The following ACACA variants were observed in gnomAD, a reference collection of about 807,000 sequenced individuals.
ACACA encodes the protein acetyl-CoA carboxylase 1.
In ACACA, 103 loss-of-function variants were observed where a neutral mutation model predicts 296.1. The ratio of observed to expected loss-of-function variants is 0.35; its 90% CI spans 0.30 to 0.41. The LOEUF is 0.41. Among genes scored for constraint, ACACA ranks in the 10% least tolerant of loss-of-function variants. ACACA has a pLI of 1.00. For synonymous variants in ACACA, 953 were observed against 1,038.6 expected, an observed-to-expected ratio of 0.92 and a Z score of 1.58; for missense variants, 1,554 against 2,989.7, an observed-to-expected ratio of 0.52 and a Z score of 11.20.
chr17:37,131,565 G>A (rs2075099360), intron 45 of ACACA, among the ~76,000 whole-genome samples: 1 of 152,088 alleles, frequency 6.6e-6, no homozygotes, highest in South Asian at 2.1e-4. Flanking sequence ...TCAGTCTCTG[G>A]GGAGAATCTA....
chr17:37,162,668 C>A, intron 41 of ACACA: 1 of 284,178 alleles, frequency 3.5e-6, no homozygotes, highest in South Asian at 3.4e-5. Flanking sequence ...TGCTGCCTGC[C>A]CACCCCCAAA....
intron 24 of ACACA, among the ~76,000 whole-genome samples, chr17:37,239,709 T>C (rs560779231): frequency 2.6e-5 from 4 of 152,360 alleles, no homozygotes; most frequent in African/African-American, 9.6e-5. Context: ...CAACCTTGAA[T>C]GCGTGGGATA....
chr17:37,087,498 C>T, intron 55 of ACACA, 59 bp from the exon 56 acceptor site: 1 of 1,605,372 alleles, frequency 6.2e-7, no homozygotes, highest in Non-Finnish European at 8.5e-7. Context: ...TAGATGAGGA[C>T]AGCTAAAGAA....
At chr17:37,188,195 G>C in intron 39 of ACACA, 82 bp downstream of exon 39, 1 of 1,319,998 alleles carries the variant, frequency 7.6e-7, no homozygotes, top group Non-Finnish European at 1.1e-6. Flanking sequence ...GGATTTGTGA[G>C]TGTGGGTCTT....
intron 44 of ACACA, among the ~76,000 whole-genome samples, chr17:37,150,380 A>C (rs1348893326): frequency 6.6e-6 from 1 of 152,062 alleles, no homozygotes; most frequent in Non-Finnish European, 1.5e-5. Context: ...TGTCTCTAGC[A>C]AAAATACAAA....
At position 37,216,155 on chromosome 17, in the gene ACACA, CACAA is replaced by C. The variant is rs1339271006; in HGVS notation, c.3683+5565_3683+5568del. ...ACACACACACACACACACACACACA[CACAA>C]CATACACATGTTACATATACATACA... On this transcript the variant is annotated intron_variant, in intron 29 of 55. Coordinates refer to ENST00000616317, the MANE Select transcript of ACACA (RefSeq NM_198834.3). Among the ~76,000 whole-genome samples the C allele has an allele frequency of 8.6e-3, 1,151 of 134,532 alleles. 33 individuals carry two copies. Among genetic ancestry groups the C allele is most frequent in the Admixed American group, 0.062 (801 of 12,860 alleles). 88.3% of individuals were successfully genotyped at this position (134,532 alleles called of 152,430 possible).
intron 2 of ACACA, 129 bp downstream of exon 2, chr17:37,339,675 T>C: frequency 1.5e-6 from 1 of 656,344 alleles, no homozygotes; most frequent in South Asian, 1.8e-5. Context: ...CTTCAGGTTA[T>C]CCACCCTAAA....
At chr17:37,377,921 T>A in intron 1 of ACACA, 1 of 1,613,298 alleles carries the variant, frequency 6.2e-7, no homozygotes, top group Non-Finnish European at 8.5e-7. Context: ...CTGCCTGGGA[T>A]CTTCCCAAAA....
intron 9 of ACACA, among the ~76,000 whole-genome samples, chr17:37,273,123 T>C (rs1856938943): frequency 6.6e-6 from 1 of 152,228 alleles, no homozygotes; most frequent in African/African-American, 2.4e-5. Context: ...ATATTAATTC[T>C]TCTTATTAAG....
intron 43 of ACACA, 75 bp from the exon 44 acceptor site, chr17:37,151,496 TA>T (rs1436978521): frequency 1.0e-5 from 16 of 1,577,770 alleles, no homozygotes; most frequent in African/African-American, 1.3e-5. Context: ...TAATCACCAA[TA>T]AAAGGCGGCT....
chr17:37,099,636 G>GGCTGATGGCAA (rs2073236648), intron 52 of ACACA, among the ~76,000 whole-genome samples: 1 of 150,486 alleles, frequency 6.6e-6, no homozygotes, highest in Non-Finnish European at 1.5e-5. Flanking sequence ...GCTGATGGAG[G>GGCTGATGGCAA]GAGGGCTGAT....
In ACACA at chr17:37,279,701, C is replaced by T. The variant is rs150207500; in HGVS notation, c.611-1696G>A. Among the ~76,000 whole-genome samples, 14 of 150,848 alleles carry T rather than the reference C, an allele frequency of 9.3e-5. No homozygotes were observed. The South Asian group carries it at 2.7e-3, about 29-fold the overall frequency. The stretch of plus-strand genomic sequence containing the variant: ...TGGTGGGCACCTGTAATCCCAGCCA[C>T]TCGGGAGGCTGAGGCATGAGAGTCG... On this transcript the variant is annotated intron_variant, in intron 5 of 55. Coordinates refer to ENST00000616317, the MANE Select transcript of ACACA (RefSeq NM_198834.3).
intron 39 of ACACA, among the ~76,000 whole-genome samples, chr17:37,184,939 A>G (rs148201333): frequency 3.3e-4 from 50 of 152,322 alleles, no homozygotes; most frequent in African/African-American, 1.1e-3. Context: ...CTGAACCTCA[A>G]AAACATTATG....
chr17:37,183,315 A>G (rs575001680), intron 39 of ACACA, among the ~76,000 whole-genome samples: 2 of 152,348 alleles, frequency 1.3e-5, no homozygotes, highest in South Asian at 4.1e-4. Context: ...TTTAAATGGT[A>G]CAAATATTTT....
chr17:37,094,278 T>C (rs1331787252), intron 54 of ACACA, among the ~76,000 whole-genome samples: 1 of 152,192 alleles, frequency 6.6e-6, no homozygotes, highest in Non-Finnish European at 1.5e-5. Context: ...AACAGATATC[T>C]CTAAGGGAAA....
chr17:37,105,984 G>A (rs1285745759), intron 52 of ACACA, among the ~76,000 whole-genome samples: 1 of 152,090 alleles, frequency 6.6e-6, no homozygotes, highest in African/African-American at 2.4e-5. Context: ...TATCTCAGAT[G>A]TTAAAACATA....
chr17:37,115,390 CAAGT>C (rs750156100), intron 50 of ACACA, among the ~76,000 whole-genome samples: 1 of 151,568 alleles, frequency 6.6e-6, no homozygotes, highest in Non-Finnish European at 1.5e-5. Flanking sequence ...AGTCTCCGAA[CAAGT>C]AACAGAAAAG....
intron 43 of ACACA, among the ~76,000 whole-genome samples, chr17:37,151,754 C>T (rs1191062008): frequency 5.9e-5 from 9 of 152,160 alleles, no homozygotes; most frequent in Non-Finnish European, 1.2e-4. Context: ...CTCTGCCTCC[C>T]GGGTTCACGC....
chr17:37,275,495 CAAAAAAAAAAA>C (rs34064045), intron 8 of ACACA, among the ~76,000 whole-genome samples: 1,522 of 61,660 alleles, frequency 0.025, 31 homozygotes, highest in African/African-American at 0.073. Flanking sequence ...GACTCCAACT[CAAAAAAAAAAA>C]AAAAAAAGAA....
Sources: gnomAD v4.1 joint callset for allele counts (sites outside exome capture counted in the v4.1 genomes callset) on GRCh38, gnomAD v4.1.1 for gene constraint, MANE v1.5 for transcripts, NCBI Gene and HGNC (gene_info 2026-07-23, HGNC 2026-07-21) for gene names.